The following GRIK2 variants were observed in gnomAD, a reference collection of about 807,000 sequenced individuals.
The protein encoded by GRIK2 is glutamate receptor ionotropic, kainate 2.
A neutral mutation model predicts 100.3 loss-of-function variants in GRIK2; 32 were observed. That is an observed-to-expected ratio of 0.32 (90% CI 0.24 to 0.43). The LOEUF (loss-of-function observed/expected upper bound fraction) is 0.43, where lower values mean the gene tolerates loss of function less well. Ranked by LOEUF, GRIK2 falls within the 20% of genes least tolerant of loss-of-function variation. The pLI, the probability that GRIK2 is intolerant of heterozygous loss-of-function variation, is 1.00. For synonymous variants in GRIK2, 417 were observed against 389.4 expected (o/e 1.07, Z -0.83); for missense variants, 843 against 1,114.9 (o/e 0.76, Z 3.47).
chr6:101,603,749 G>A (rs1026862237), intron 2 of GRIK2, among the ~76,000 whole-genome samples: 6 of 151,558 alleles, frequency 4.0e-5, no homozygotes, highest in East Asian at 1.9e-4. Flanking sequence ...ACAATTTATA[G>A]GTTAAATGAT....
chr6:101,875,309 A>G (rs1355006426), intron 11 of GRIK2, among the ~76,000 whole-genome samples: 1 of 151,886 alleles, frequency 6.6e-6, no homozygotes, highest in Non-Finnish European at 1.5e-5. Flanking sequence ...CCTCAATAAG[A>G]GATCTCTTGT....
chr6:101,478,052 G>T (rs1772338224), intron 2 of GRIK2, among the ~76,000 whole-genome samples: 1 of 152,152 alleles, frequency 6.6e-6, no homozygotes, highest in East Asian at 1.9e-4. Flanking sequence ...AAGGCTGATA[G>T]ATTATGGACT....
intron 12 of GRIK2, among the ~76,000 whole-genome samples, chr6:101,890,971 GTGTACATATATA>G (rs1429478432): frequency 5.8e-5 from 7 of 120,780 alleles, no homozygotes; most frequent in African/African-American, 1.9e-4. Flanking sequence ...TACCTATAAA[GTGTACATATATA>G]TATATATATA....
intron 7 of GRIK2, among the ~76,000 whole-genome samples, chr6:101,727,501 A>G (rs1462330781): frequency 1.3e-5 from 2 of 152,112 alleles, no homozygotes; most frequent in African/African-American, 2.4e-5. Context: ...CTGCTGGTCA[A>G]CTTCCTACAG....
At chr6:101,487,208 A>G (rs1415811080) in intron 2 of GRIK2, among the ~76,000 whole-genome samples, 1 of 146,578 alleles carries the variant, frequency 6.8e-6, no homozygotes, top group Non-Finnish European at 1.5e-5. Context: ...TTATTGTTTA[A>G]TAATGTTTTT....
At chr6:101,919,341 A>G (rs925384464) in intron 12 of GRIK2, among the ~76,000 whole-genome samples, 15 of 151,972 alleles carry the variant, frequency 9.9e-5, no homozygotes, top group African/African-American at 3.4e-4. Context: ...ATACATTTTT[A>G]AAAAGTTGAC....
intron 15 of GRIK2, among the ~76,000 whole-genome samples, chr6:102,050,099 A>G (rs963737173): frequency 1.3e-5 from 2 of 152,178 alleles, no homozygotes; most frequent in Admixed American, 6.5e-5. Context: ...AAATGTTGGC[A>G]TGTAAAATTG....
intron 9 of GRIK2, among the ~76,000 whole-genome samples, chr6:101,814,315 A>G (rs538347626): frequency 6.6e-6 from 1 of 152,294 alleles, no homozygotes; most frequent in Admixed American, 6.5e-5. Context: ...CAACAAAATG[A>G]GAAATATGTT....
rs1266914063 is a variant in GRIK2, at chr6:102,004,184, C to T, written c.2086-31157C>T. Among the ~76,000 whole-genome samples, 3 of 150,482 alleles carry T rather than the reference C, an allele frequency of 2.0e-5. No homozygotes were observed. The Admixed American group carries it at 2.0e-4, about 10-fold the overall frequency. On this transcript the variant is annotated intron_variant, in intron 14 of 16. Coordinates refer to ENST00000369134, the MANE Select transcript of GRIK2 (RefSeq NM_021956.5). ...ATATTTGTATGCTTATTTTATATTA[C>T]ATTCATATTTTTCATTAATTCTAAT...
chr6:102,065,121 A>C (rs1771952499), intron 16 of GRIK2, among the ~76,000 whole-genome samples: 2 of 151,330 alleles, frequency 1.3e-5, no homozygotes, highest in African/African-American at 4.8e-5. Flanking sequence ...TGATTGACTT[A>C]TGAAAGATTG....
At chr6:101,563,740 G>A (rs1379753609) in intron 2 of GRIK2, among the ~76,000 whole-genome samples, 6 of 152,076 alleles carry the variant, frequency 3.9e-5, no homozygotes, top group Admixed American at 1.3e-4. Flanking sequence ...TTTGTATGAT[G>A]TTTTAAAGTG....
chr6:101,565,463 A>G (rs577149057), intron 2 of GRIK2, among the ~76,000 whole-genome samples: 1 of 152,198 alleles, frequency 6.6e-6, no homozygotes, highest in South Asian at 2.1e-4. Context: ...GTGCATTTTT[A>G]TATGTTCTTT....
In GRIK2 at chr6:101,626,691, G is replaced by A. The variant is rs148761243; in HGVS notation, c.541+54G>A. 379 of 1,481,054 alleles carry A rather than the reference G, an allele frequency of 2.6e-4. 1 individual carries two copies. In the African/African-American group the frequency reaches 4.6e-3, roughly 18 times the overall value. 91.7% of individuals were successfully genotyped at this position (1,481,054 alleles called of 1,614,324 possible). Reference sequence around the variant, plus strand: ...ATGCTTTAAATATAGATAATTTTCTGAAGCCCATTCCAGGTTCTTATTGTA... The same window carrying A: ...ATGCTTTAAATATAGATAATTTTCTAAAGCCCATTCCAGGTTCTTATTGTA... On this transcript the variant is annotated intron_variant, in intron 4 of 16. Coordinates refer to ENST00000369134, the MANE Select transcript of GRIK2 (RefSeq NM_021956.5).
chr6:102,001,180 T>C lies in GRIK2; in HGVS notation c.2086-34161T>C, dbSNP rs1258212235. ...CCAACACTGTTCCAGGCATTCTTCTTCTTTATTTTTTTTTTTTTTTCATTT... is the reference window on the plus strand; with the variant it reads ...CCAACACTGTTCCAGGCATTCTTCTCCTTTATTTTTTTTTTTTTTTCATTT... On this transcript the variant is annotated intron_variant, in intron 14 of 16. Transcript: ENST00000369134. 9.1e-5 allele frequency among the ~76,000 whole-genome samples: 12 copies of C among 132,482 alleles called. No homozygotes were observed. The Admixed American group carries it at 1.0e-3, about 11-fold the overall frequency. The allele number at this position is 132,482 out of a possible 152,430, so 86.9% of individuals were successfully genotyped here. A position where few individuals can be genotyped will look rare whatever the true frequency, so the allele number is the denominator to read the frequency against.
In GRIK2 at chr6:101,413,590, G is replaced by A. The variant is rs568951887; in HGVS notation, c.115+14198G>A. Among the ~76,000 whole-genome samples the A allele has an allele frequency of 6.4e-4, 97 of 152,030 alleles. 6 individuals are homozygous for A. The highest frequency in any genetic ancestry group is 3.6e-4 in the African/African-American group (15 of 41,508). ...TTATTTTTAGAAATACATTACATGGGGGATCCTAATGAGATCCTGATTGTT... is the reference window on the plus strand; with the variant it reads ...TTATTTTTAGAAATACATTACATGGAGGATCCTAATGAGATCCTGATTGTT... On this transcript the variant is annotated intron_variant, in intron 2 of 16. Transcript: ENST00000369134.
At chr6:102,066,241 T>A (rs1181261554) in intron 16 of GRIK2, among the ~76,000 whole-genome samples, 1 of 151,586 alleles carries the variant, frequency 6.6e-6, no homozygotes, top group Non-Finnish European at 1.5e-5. Flanking sequence ...AACCTGAAAA[T>A]TTTTTAAGCA....
At chr6:101,728,814 T>C (rs1312675919) in intron 7 of GRIK2, among the ~76,000 whole-genome samples, 8 of 152,080 alleles carry the variant, frequency 5.3e-5, no homozygotes, top group African/African-American at 1.9e-4. Flanking sequence ...ATGGTAACCA[T>C]AACCTGCCCA....
At chr6:101,438,937 G>A (rs1381556117) in intron 2 of GRIK2, among the ~76,000 whole-genome samples, 1 of 152,098 alleles carries the variant, frequency 6.6e-6, no homozygotes, top group Non-Finnish European at 1.5e-5. Flanking sequence ...GGTTATTGAG[G>A]TTGTTGATAA....
chr6:101,918,111 G>T (rs1310099396), intron 12 of GRIK2, among the ~76,000 whole-genome samples: 1 of 151,452 alleles, frequency 6.6e-6, no homozygotes, highest in Admixed American at 6.6e-5. Flanking sequence ...GAATATTACC[G>T]TTAACTGCTG....
Sources: gnomAD v4.1 joint callset for allele counts (sites outside exome capture counted in the v4.1 genomes callset) on GRCh38, gnomAD v4.1.1 for gene constraint, MANE v1.5 for transcripts, NCBI Gene and HGNC (gene_info 2026-07-23, HGNC 2026-07-21) for gene names.